ZNF487: variants seen among roughly 807,000 people sequenced by gnomAD.
ZNF487 encodes zinc finger protein 487.
A neutral mutation model predicts 3.0 loss-of-function variants in ZNF487; 4 were observed. That is an observed-to-expected ratio of 1.35 (90% CI 0.66 to 3.08). ZNF487 has a LOEUF of 3.08. Ranked by LOEUF, ZNF487 falls within the 30% of genes most tolerant of loss-of-function variation. The pLI is 0.01. For missense variants in ZNF487, 146 were observed against 98.7 expected (o/e 1.48, Z -2.03); for synonymous variants, 55 against 34.6 (o/e 1.59, Z -2.06).
chr10:43,486,519 T>G (rs1841473297), downstream of ZNF487, among the ~76,000 whole-genome samples: 1 of 146,812 alleles, frequency 6.8e-6, no homozygotes, highest in African/African-American at 2.5e-5. Flanking sequence ...AGAGTGAAAC[T>G]CCTTCTCAAA....
At chr10:43,486,139 A>G (rs561458886), downstream of ZNF487, among the ~76,000 whole-genome samples, 4 of 152,362 alleles carry the variant, frequency 2.6e-5, no homozygotes, top group African/African-American at 9.6e-5. Context: ...TACAAAAAAT[A>G]TGAATGGCTG....
chr10:43,498,274 A>ATTT, the ZNF487 span, among the ~76,000 whole-genome samples: 4 of 103,078 alleles, frequency 3.9e-5, no homozygotes, highest in African/African-American at 1.2e-4. Flanking sequence ...ATATATATAT[A>ATTT]TTTTTTTCTT....
the ZNF487 span, among the ~76,000 whole-genome samples, chr10:43,513,741 G>T: frequency 6.6e-6 from 1 of 152,302 alleles, no homozygotes; most frequent in Middle Eastern, 3.4e-3. Context: ...ACTCAGGAAT[G>T]ACCACAGGGT....
rs187485363 is a variant in ZNF487 at position 43,469,594 on chromosome 10, A to G, written c.-93-6127A>G. Among the ~76,000 whole-genome samples, 24 of 151,650 alleles carry G rather than the reference A, an allele frequency of 1.6e-4. No homozygotes were observed. In the East Asian group the frequency reaches 3.1e-3, roughly 20 times the overall value. ...TGGTTCAAATGATCCTCCCACTTCAACCTTCCAAAGTGCTGGGATTACAGG... is the reference window on the plus strand; with the variant it reads ...TGGTTCAAATGATCCTCCCACTTCAGCCTTCCAAAGTGCTGGGATTACAGG... On this transcript the variant is annotated intron_variant, in intron 1 of 3. Transcript: ENST00000437590.
At chr10:43,450,588 G>T (rs1225373600) in intron 1 of ZNF487, among the ~76,000 whole-genome samples, 1 of 152,146 alleles carries the variant, frequency 6.6e-6, no homozygotes, top group African/African-American at 2.4e-5. Flanking sequence ...GACCTCAGGT[G>T]ATCTGCCCGC....
intron 1 of ZNF487, among the ~76,000 whole-genome samples, chr10:43,461,009 A>AT (rs145079351): frequency 0.2 from 28,093 of 142,046 alleles, 2,828 homozygotes; most frequent in African/African-American, 0.23. Flanking sequence ...TAATATCTTA[A>AT]TTTTTTTTTT....
At chr10:43,446,719 C>G (rs183903909) in intron 1 of ZNF487, among the ~76,000 whole-genome samples, 1 of 151,138 alleles carries the variant, frequency 6.6e-6, no homozygotes, top group African/African-American at 2.4e-5. Flanking sequence ...ACTGGGCTGC[C>G]GGGCAGAGGG....
chr10:43,515,235 A>C, the ZNF487 span, among the ~76,000 whole-genome samples: 1 of 152,210 alleles, frequency 6.6e-6, no homozygotes, highest in African/African-American at 2.4e-5. Context: ...AGTGTAGTGC[A>C]TACTCTCAAC....
chr10:43,441,862 C>T (rs1366000146), intron 1 of ZNF487, among the ~76,000 whole-genome samples: 1 of 152,230 alleles, frequency 6.6e-6, no homozygotes, highest in African/African-American at 2.4e-5. Flanking sequence ...TCTGGGATTA[C>T]AGGCGTGAGC....
chr10:43,477,906 C>T (rs1005481417), intron 3 of ZNF487, among the ~76,000 whole-genome samples: 2 of 150,084 alleles, frequency 1.3e-5, no homozygotes, highest in African/African-American at 4.9e-5. Context: ...GCAGAGATCG[C>T]ACTATTGTAC....
In ZNF487 at chr10:43,463,048, A is replaced by G. The variant is rs546280320; in HGVS notation, c.-93-12673A>G. ...TCGGGAGTTTGAGACCAGCCTGACC[A>G]ACATGGAGAAACCCTGTCTCTACTA... is the stretch of plus-strand genomic sequence containing the variant. On this transcript the variant is annotated intron_variant, in intron 1 of 3. Transcript: ENST00000437590. Among the ~76,000 whole-genome samples, 10 of 152,046 alleles carry G rather than the reference A, an allele frequency of 6.6e-5. No individual in the cohort carries two copies. The East Asian group carries it at 1.9e-3, about 30-fold the overall frequency.
At chr10:43,522,841 C>T in the ZNF487 span, among the ~76,000 whole-genome samples, 2 of 152,150 alleles carry the variant, frequency 1.3e-5, no homozygotes, top group South Asian at 2.1e-4. Flanking sequence ...CTACATTTGC[C>T]TCCTCCAAAC....
the ZNF487 span, among the ~76,000 whole-genome samples, chr10:43,519,227 G>A: frequency 2.0e-5 from 3 of 151,906 alleles, no homozygotes. Flanking sequence ...CACTCTTACT[G>A]TTGTTTTGCA....
At chr10:43,518,454 A>G in the ZNF487 span, among the ~76,000 whole-genome samples, 678 of 152,254 alleles carry the variant, frequency 4.5e-3, 4 homozygotes, top group Admixed American at 0.018. Context: ...GACTGTCTTC[A>G]TTGGCCATAA....
At chr10:43,477,192 T>C (rs1349897399) in intron 3 of ZNF487, among the ~76,000 whole-genome samples, 1 of 151,998 alleles carries the variant, frequency 6.6e-6, no homozygotes, top group Non-Finnish European at 1.5e-5. Flanking sequence ...TTTTTCTTTT[T>C]CTTTCTTTAT....
At chr10:43,492,522 G>C in the ZNF487 span, among the ~76,000 whole-genome samples, 333 of 151,474 alleles carry the variant, frequency 2.2e-3, 2 homozygotes, top group Non-Finnish European at 3.7e-3. Context: ...CATGATCTCG[G>C]CTCACTGCAA....
At chr10:43,442,132 C>T (rs1017345885) in intron 1 of ZNF487, among the ~76,000 whole-genome samples, 3 of 152,046 alleles carry the variant, frequency 2.0e-5, no homozygotes, top group African/African-American at 4.8e-5. Context: ...TGGGACACTG[C>T]GGTGTAAGGT....
At chr10:43,487,929 C>CAAAAAAAAAAAAAAAAA (rs76705594), downstream of ZNF487, among the ~76,000 whole-genome samples, 28 of 40,442 alleles carry the variant, frequency 6.9e-4, no homozygotes, top group East Asian at 4.5e-3. Context: ...TACCAAAATA[C>CAAAAAAAAAAAAAAAAA]AAAAAAAAAA....
At chr10:43,479,975 CTT>C (rs1341921432) in intron 3 of ZNF487, among the ~76,000 whole-genome samples, 1 of 38,742 alleles carries the variant, frequency 2.6e-5, no homozygotes, top group Admixed American at 2.7e-4. Flanking sequence ...TCTTTCTTTT[CTT>C]TCTTTCCTTC....
Sources: allele counts gnomAD v4.1 joint callset (sites outside exome capture counted in the v4.1 genomes callset), GRCh38; gene constraint gnomAD v4.1.1; transcripts MANE v1.5; gene names NCBI Gene and HGNC (gene_info 2026-07-23, HGNC 2026-07-21).